Variants in BMAL1 observed in about 807,000 individuals in gnomAD.
The protein encoded by BMAL1 is basic helix-loop-helix ARNT like 1, also known as basic helix-loop-helix ARNT-like protein 1.
At chr11:13,290,874 C>T in the BMAL1 span, among the ~76,000 whole-genome samples, 1 of 152,106 alleles carries the variant, frequency 6.6e-6, no homozygotes, top group South Asian at 2.1e-4. Context: ...CTTCTTGTCT[C>T]TGGTTTTGAG....
the BMAL1 span, among the ~76,000 whole-genome samples, chr11:13,336,971 T>C: frequency 6.6e-6 from 1 of 152,242 alleles, no homozygotes; most frequent in African/African-American, 2.4e-5. Context: ...ACAGAAAATC[T>C]GAATACTTAC....
the BMAL1 span, among the ~76,000 whole-genome samples, chr11:13,359,179 G>A: frequency 1.3e-5 from 2 of 152,154 alleles, no homozygotes; most frequent in African/African-American, 2.4e-5. Context: ...GAAAACATAG[G>A]CAGAAAAGTG....
At chr11:13,315,775 GGCAGGT>G in the BMAL1 span, among the ~76,000 whole-genome samples, 1 of 152,192 alleles carries the variant, frequency 6.6e-6, no homozygotes, top group East Asian at 1.9e-4. Flanking sequence ...TAGGACTCTA[GGCAGGT>G]GCGCAGCCTG....
the BMAL1 span, among the ~76,000 whole-genome samples, chr11:13,296,608 A>G: frequency 3.9e-5 from 6 of 152,192 alleles, no homozygotes; most frequent in Non-Finnish European, 8.8e-5. Context: ...ACATGTTTCT[A>G]TATTTCCCTT....
At chr11:13,355,093 G>A in the BMAL1 span, 1 of 668,590 alleles carries the variant, frequency 1.5e-6, no homozygotes, top group East Asian at 2.8e-5. Context: ...AATATTCAAA[G>A]GCACATTTTG....
chr11:13,352,031 C>T, the BMAL1 span, among the ~76,000 whole-genome samples: 1 of 152,002 alleles, frequency 6.6e-6, no homozygotes, highest in Non-Finnish European at 1.5e-5. Flanking sequence ...GTGGATGGTG[C>T]AGGATTGGGC....
At chr11:13,341,150 C>T in the BMAL1 span, among the ~76,000 whole-genome samples, 1 of 152,228 alleles carries the variant, frequency 6.6e-6, no homozygotes, top group African/African-American at 2.4e-5. Flanking sequence ...TCTTCTTCTG[C>T]TGCCACTTGC....
At chr11:13,291,810 C>CTGTATGATACAGAATACTG in the BMAL1 span, among the ~76,000 whole-genome samples, 2 of 152,206 alleles carry the variant, frequency 1.3e-5, no homozygotes, top group Non-Finnish European at 1.5e-5. Flanking sequence ...GACGTGTACT[C>CTGTATGATACAGAATACTG]TGTATGATAC....
At chr11:13,282,253 T>C in the BMAL1 span, among the ~76,000 whole-genome samples, 1 of 152,190 alleles carries the variant, frequency 6.6e-6, no homozygotes, top group African/African-American at 2.4e-5. Context: ...CAATTTTCTT[T>C]TGCTCTCTAT....
chr11:13,358,614 C>A, the BMAL1 span: 2 of 1,541,912 alleles, frequency 1.3e-6, no homozygotes, highest in Non-Finnish European at 1.7e-6. Context: ...GCTCTATTGT[C>A]CTTTATGTCC....
At chr11:13,356,829 T>C in the BMAL1 span, 2 of 1,613,578 alleles carry the variant, frequency 1.2e-6, no homozygotes, top group South Asian at 1.1e-5. Context: ...CCATTTTCTT[T>C]GCACTGTTAC....
the BMAL1 span, chr11:13,373,981 C>T: frequency 1.2e-6 from 1 of 812,128 alleles, no homozygotes; most frequent in Admixed American, 2.2e-5. Flanking sequence ...AGCTCTTTTG[C>T]CTGCAGCTTT....
chr11:13,284,502 A>T, the BMAL1 span, among the ~76,000 whole-genome samples: 1 of 151,550 alleles, frequency 6.6e-6, no homozygotes, highest in East Asian at 1.9e-4. Context: ...CCCTGCCCTC[A>T]GAGCTCTCGT....
At chr11:13,338,453 C>T in the BMAL1 span, among the ~76,000 whole-genome samples, 1 of 152,230 alleles carries the variant, frequency 6.6e-6, no homozygotes, top group Non-Finnish European at 1.5e-5. Flanking sequence ...AAAGGATCAC[C>T]TGGCTAACTT....
chr11:13,382,649 T>C, the BMAL1 span, among the ~76,000 whole-genome samples: 1 of 152,232 alleles, frequency 6.6e-6, no homozygotes, highest in African/African-American at 2.4e-5. Flanking sequence ...AGTTAACTTT[T>C]AGGCACTTGA....
the BMAL1 span, among the ~76,000 whole-genome samples, chr11:13,293,779 A>G: frequency 6.6e-6 from 1 of 152,266 alleles, no homozygotes. Context: ...TCCTCTGTGT[A>G]GGTAACCAAG....
the BMAL1 span, among the ~76,000 whole-genome samples, chr11:13,341,814 A>G: frequency 6.6e-6 from 1 of 152,246 alleles, no homozygotes; most frequent in Admixed American, 6.5e-5. Context: ...ATGCACCTTC[A>G]TTTAGCTGGT....
At chr11:13,367,578 G>A in the BMAL1 span, among the ~76,000 whole-genome samples, 1 of 152,060 alleles carries the variant, frequency 6.6e-6, no homozygotes, top group Admixed American at 6.6e-5. Context: ...GTGCGTGCCT[G>A]TAATCCAAGC....
chr11:13,359,145 CT>C, the BMAL1 span, among the ~76,000 whole-genome samples: 1 of 152,160 alleles, frequency 6.6e-6, no homozygotes, highest in Non-Finnish European at 1.5e-5. Context: ...TATTTTCCTT[CT>C]TTTCTGAGTG....
Sources: allele counts gnomAD v4.1 joint callset (sites outside exome capture counted in the v4.1 genomes callset), GRCh38; gene constraint gnomAD v4.1.1; transcripts MANE v1.5; gene names NCBI Gene and HGNC (gene_info 2026-07-23, HGNC 2026-07-21).